The following MICAL3 variants were observed in gnomAD, a reference collection of about 807,000 sequenced individuals.
MICAL3 encodes [F-actin]-monooxygenase MICAL3.
A neutral mutation model predicts 207.4 loss-of-function variants in MICAL3; 62 were observed. The ratio of observed to expected loss-of-function variants is 0.30; its 90% CI spans 0.24 to 0.37. The LOEUF (loss-of-function observed/expected upper bound fraction) is 0.37, where lower values mean the gene tolerates loss of function less well. Among genes scored for constraint, MICAL3 ranks in the 10% least tolerant of loss-of-function variants. MICAL3 has a pLI of 1.00. For synonymous variants in MICAL3, 1,077 were observed against 1,069.3 expected (o/e 1.01, Z -0.14); for missense variants, 2,368 against 2,635.6 (o/e 0.90, Z 2.22).
At chr22:17,938,023 G>A (rs996152126) in intron 1 of MICAL3, among the ~76,000 whole-genome samples, 4 of 152,280 alleles carry the variant, frequency 2.6e-5, no homozygotes, top group Non-Finnish European at 4.4e-5. Context: ...TCTGTCGGCC[G>A]TGTCTTGCTG....
rs190518065 is a variant in MICAL3, at chr22:17,803,134, C to T, written c.5650+5710G>A. 2.2e-3 allele frequency among the ~76,000 whole-genome samples: 336 copies of T among 152,300 alleles called. 3 individuals are homozygous for T. Among genetic ancestry groups the T allele is most frequent in the African/African-American group, 7.8e-3 (323 of 41,550 alleles). On this transcript the variant is annotated intron_variant, in intron 29 of 31. Coordinates refer to ENST00000441493, the MANE Select transcript of MICAL3 (RefSeq NM_015241.3). ...AGGGCCTGAGGCTGTGCCTTCCTAA[C>T]AGGCTCCTAGGTGATGTTGCTGCTG...
At chr22:17,995,569 G>A (rs1009042890) in intron 1 of MICAL3, among the ~76,000 whole-genome samples, 5 of 139,580 alleles carry the variant, frequency 3.6e-5, no homozygotes, top group Admixed American at 8.0e-5. Flanking sequence ...GCAGTGGTGC[G>A]ATCTCCGCTC....
intron 29 of MICAL3, among the ~76,000 whole-genome samples, chr22:17,798,887 A>G (rs567515070): frequency 1.6e-4 from 24 of 151,702 alleles, no homozygotes; most frequent in African/African-American, 5.8e-4. Context: ...GTTAGCCAGG[A>G]TGGTCTCGAT....
At chr22:17,794,947 G>A (rs1262758042) in intron 29 of MICAL3, among the ~76,000 whole-genome samples, 2 of 152,222 alleles carry the variant, frequency 1.3e-5, no homozygotes, top group African/African-American at 2.4e-5. Flanking sequence ...TTTACAGAGA[G>A]AACAGGGTTG....
chr22:17,797,651 T>C (rs994770434), intron 29 of MICAL3, among the ~76,000 whole-genome samples: 4 of 152,224 alleles, frequency 2.6e-5, no homozygotes, highest in Non-Finnish European at 5.9e-5. Flanking sequence ...TGGTTCTATT[T>C]GACCCACTGG....
intron 1 of MICAL3, among the ~76,000 whole-genome samples, chr22:17,961,436 C>T (rs1169907402): frequency 1.3e-5 from 2 of 152,176 alleles, no homozygotes; most frequent in Non-Finnish European, 2.9e-5. Context: ...GTGGAGGCCC[C>T]TTCCCCCTCA....
In MICAL3 at chr22:17,963,666, T is replaced by A. The variant is rs539472797; in HGVS notation, c.-74-56780A>T. 1.8e-4 allele frequency among the ~76,000 whole-genome samples: 27 copies of A among 152,216 alleles called. 1 individual carries two copies. Among genetic ancestry groups the A allele is most frequent in the African/African-American group, 6.5e-4 (27 of 41,544 alleles). On this transcript the variant is annotated intron_variant, in intron 1 of 31. Coordinates refer to ENST00000441493, the MANE Select transcript of MICAL3 (RefSeq NM_015241.3). ...CCCCATCAACGTGCTCCATAAGCCA[T>A]AGGAGTCACCACAAACTTCGCAAGT...
intron 17 of MICAL3, among the ~76,000 whole-genome samples, chr22:17,868,237 A>G (rs528874637): frequency 1.8e-4 from 27 of 152,074 alleles, no homozygotes; most frequent in African/African-American, 6.5e-4. Flanking sequence ...GAGATATTCA[A>G]TGAGGTGGCA....
At chr22:17,906,466 G>C in intron 2 of MICAL3, 83 bp downstream of exon 2, 1 of 1,608,276 alleles carries the variant, frequency 6.2e-7, no homozygotes. Context: ...ATCATATATG[G>C]TGAATGGCCA....
At chr22:17,985,961 C>T (rs1297357417) in intron 1 of MICAL3, among the ~76,000 whole-genome samples, 2 of 152,120 alleles carry the variant, frequency 1.3e-5, no homozygotes, top group Non-Finnish European at 2.9e-5. Context: ...GGGTGGAGTG[C>T]AGTGGCAGCA....
chr22:17,873,766 T>C (rs945899172), intron 16 of MICAL3, among the ~76,000 whole-genome samples: 2 of 152,202 alleles, frequency 1.3e-5, no homozygotes, highest in African/African-American at 4.8e-5. Context: ...TGCTCACACC[T>C]AAGCTGGGTG....
intron 29 of MICAL3, among the ~76,000 whole-genome samples, chr22:17,804,394 C>T (rs2061969390): frequency 6.6e-6 from 1 of 152,228 alleles, no homozygotes; most frequent in Non-Finnish European, 1.5e-5. Flanking sequence ...CTATCAAATG[C>T]CTTGCAGACC....
At chr22:17,830,825 G>C (rs442822) in intron 21 of MICAL3, among the ~76,000 whole-genome samples, 36,379 of 152,192 alleles carry the variant, frequency 0.24, 4,591 homozygotes, top group Non-Finnish European at 0.29. Context: ...TCTCGCGGAC[G>C]CCCAACGGTG....
intron 1 of MICAL3, among the ~76,000 whole-genome samples, chr22:17,994,733 A>AG (rs397974631): frequency 6.6e-6 from 1 of 151,540 alleles, no homozygotes; most frequent in Non-Finnish European, 1.5e-5. Context: ...AAAAAAAAAA[A>AG]GAAAAAAAAA....
intron 19 of MICAL3, chr22:17,861,712 G>T: frequency 1.0e-6 from 1 of 985,382 alleles, no homozygotes; most frequent in Non-Finnish European, 1.2e-6. Flanking sequence ...ACACGCAGTA[G>T]TAAGTATAAG....
chr22:17,962,212 C>G (rs941674911), intron 1 of MICAL3, among the ~76,000 whole-genome samples: 6 of 152,098 alleles, frequency 3.9e-5, no homozygotes, highest in African/African-American at 1.4e-4. Context: ...TCCTGGAACT[C>G]AAGGGGAAAA....
intron 1 of MICAL3, among the ~76,000 whole-genome samples, chr22:18,006,781 C>T (rs902495501): frequency 6.6e-6 from 1 of 152,112 alleles, no homozygotes; most frequent in African/African-American, 2.4e-5. Flanking sequence ...TGTGATGAGC[C>T]GTGATTGTGC....
At chr22:17,884,660 A>G (rs1929721246) in intron 16 of MICAL3, among the ~76,000 whole-genome samples, 1 of 152,156 alleles carries the variant, frequency 6.6e-6, no homozygotes, top group Non-Finnish European at 1.5e-5. Flanking sequence ...GATTTGGAAA[A>G]CTAATATTCC....
intron 16 of MICAL3, among the ~76,000 whole-genome samples, chr22:17,879,150 G>A (rs1465401679): frequency 6.6e-6 from 1 of 152,184 alleles, no homozygotes; most frequent in African/African-American, 2.4e-5. Flanking sequence ...ATGGGTGACT[G>A]CTTTACAGTG....
Sources: gnomAD v4.1 joint callset for allele counts (sites outside exome capture counted in the v4.1 genomes callset) on GRCh38, gnomAD v4.1.1 for gene constraint, MANE v1.5 for transcripts, NCBI Gene and HGNC (gene_info 2026-07-23, HGNC 2026-07-21) for gene names.